Variants in GLP2R observed in about 807,000 individuals in gnomAD.
GLP2R encodes glucagon like peptide 2 receptor.
GLP2R carries 59 observed loss-of-function variants against 68.2 expected under a neutral mutation model. The ratio of observed to expected loss-of-function variants is 0.87; its 90% CI spans 0.70 to 1.07. The LOEUF (loss-of-function observed/expected upper bound fraction) is 1.07, where lower values mean the gene tolerates loss of function less well. GLP2R is among the 50% of genes least tolerant of loss of function. The pLI, the probability that GLP2R is intolerant of heterozygous loss-of-function variation, is 0.00. For missense variants in GLP2R, 548 were observed against 677.4 expected, an observed-to-expected ratio of 0.81 and a Z score of 2.12; for synonymous variants, 270 against 265.4, an observed-to-expected ratio of 1.02 and a Z score of -0.17.
At chr17:9,879,322 A>AAAT (rs1442168088) in intron 10 of GLP2R, among the ~76,000 whole-genome samples, 24 of 82,382 alleles carry the variant, frequency 2.9e-4, no homozygotes, top group South Asian at 1.8e-3. Context: ...AAATAAAATA[A>AAAT]AATAAAATAA....
At chr17:9,848,364 T>A (rs910188132) in intron 4 of GLP2R, among the ~76,000 whole-genome samples, 1 of 152,204 alleles carries the variant, frequency 6.6e-6, no homozygotes, top group Non-Finnish European at 1.5e-5. Context: ...GGCCTTTGCA[T>A]ACAGTAGGCA....
At chr17:9,833,066 TC>T (rs2066694945) in intron 1 of GLP2R, among the ~76,000 whole-genome samples, 1 of 151,880 alleles carries the variant, frequency 6.6e-6, no homozygotes, top group Admixed American at 6.6e-5. Flanking sequence ...ATCAAGACCA[TC>T]CTGCCCAACA....
intron 1 of GLP2R, among the ~76,000 whole-genome samples, chr17:9,830,914 A>C (rs1268852171): frequency 6.6e-6 from 1 of 152,246 alleles, no homozygotes; most frequent in African/African-American, 2.4e-5. Context: ...TGTGCAATGG[A>C]CAGCAGGCAC....
At chr17:9,845,604 C>T (rs1314632769) in intron 4 of GLP2R, among the ~76,000 whole-genome samples, 1 of 152,122 alleles carries the variant, frequency 6.6e-6, no homozygotes, top group Non-Finnish European at 1.5e-5. Context: ...TCCCTGGACC[C>T]TACAAACACT....
At chr17:9,838,046 A>G (rs1173150433) in intron 3 of GLP2R, among the ~76,000 whole-genome samples, 1 of 152,156 alleles carries the variant, frequency 6.6e-6, no homozygotes. Flanking sequence ...CTCTGATGAA[A>G]TCCAGTTGGA....
chr17:9,868,998 C>T lies in GLP2R; in HGVS notation c.1057-1749C>T, dbSNP rs576666824. On this transcript the variant is annotated intron_variant, in intron 9 of 12. Coordinates refer to ENST00000262441, the MANE Select transcript of GLP2R (RefSeq NM_004246.3). Reference sequence around the variant, plus strand: ...TACATTTACCTTGTATTTAAACTTTCTGTTCCTAAATATTCTTTGGCTAGG... The same window carrying T: ...TACATTTACCTTGTATTTAAACTTTTTGTTCCTAAATATTCTTTGGCTAGG... Among the ~76,000 whole-genome samples, 18 of 152,344 alleles carry T rather than the reference C, an allele frequency of 1.2e-4. No individual in the cohort carries two copies. In the East Asian group the frequency reaches 3.5e-3, roughly 29 times the overall value.
At chr17:9,888,776 T>C (rs2067265009) in intron 12 of GLP2R, among the ~76,000 whole-genome samples, 1 of 152,208 alleles carries the variant, frequency 6.6e-6, no homozygotes, top group Admixed American at 6.5e-5. Flanking sequence ...CTATTATTGC[T>C]TTTAGTTATT....
intron 11 of GLP2R, among the ~76,000 whole-genome samples, chr17:9,881,671 C>T (rs1181249627): frequency 2.2e-5 from 3 of 135,618 alleles, no homozygotes; most frequent in Non-Finnish European, 4.4e-5. Context: ...TGAGCCACCG[C>T]TCCCCTGCCA....
At chr17:9,878,313 A>G (rs984376214) in intron 10 of GLP2R, among the ~76,000 whole-genome samples, 5 of 152,208 alleles carry the variant, frequency 3.3e-5, no homozygotes, top group African/African-American at 1.2e-4. Flanking sequence ...TTCTAGAAAT[A>G]TTATTATTTA....
At chr17:9,826,523 C>T (rs956616161) in intron 1 of GLP2R, among the ~76,000 whole-genome samples, 35 of 152,030 alleles carry the variant, frequency 2.3e-4, no homozygotes, top group East Asian at 3.9e-4. Flanking sequence ...CAACCAGCCC[C>T]GCATCATATT....
intron 10 of GLP2R, among the ~76,000 whole-genome samples, chr17:9,873,556 C>CTGTTTTTTTTTTTTTTTTTTTTTT (rs764516620): frequency 3.8e-5 from 2 of 52,076 alleles, no homozygotes; most frequent in African/African-American, 8.6e-5. Flanking sequence ...TATGCATGGA[C>CTGTTTTTTTTTTTTTTTTTTTTTT]TTTTTTTTTT....
chr17:9,852,537 GA>G (rs1232084469), intron 4 of GLP2R, among the ~76,000 whole-genome samples: 1 of 151,664 alleles, frequency 6.6e-6, no homozygotes, highest in African/African-American at 2.4e-5. Context: ...AAGAAACTAG[GA>G]AAAAAACCTC....
intron 4 of GLP2R, among the ~76,000 whole-genome samples, chr17:9,854,172 C>T (rs1354003742): frequency 1.3e-5 from 2 of 152,216 alleles, no homozygotes; most frequent in African/African-American, 4.8e-5. Context: ...AGCCTGTTCT[C>T]ATTCCCAAGG....
intron 5 of GLP2R, among the ~76,000 whole-genome samples, chr17:9,855,624 C>T (rs2066927911): frequency 6.6e-6 from 1 of 152,246 alleles, no homozygotes; most frequent in African/African-American, 2.4e-5. Context: ...AAGCGCATTA[C>T]ATGCATTAAG....
In GLP2R at chr17:9,854,507, G is replaced by A. The variant is rs1466526035; in HGVS notation, c.517G>A (p.Ala173Thr). 6.9e-6 allele frequency: 11 copies of A among 1,604,338 alleles called. No homozygotes were observed. The highest frequency in any genetic ancestry group is 9.4e-6 in the Non-Finnish European group (11 of 1,170,978). Residue 173 changes from alanine to threonine, a missense_variant, in exon 5 of 13, where the codon GCC (alanine) becomes ACC (threonine). Ala to Thr is a moderately conservative substitution (Grantham distance 58, BLOSUM62 0). Transcript: ENST00000262441. Reference protein sequence around the residue: ...HSFKQNVDRYALLSTLQLMYT... With the variant: ...HSFKQNVDRYTLLSTLQLMYT... ...CCTCTGTGTTCAGGTGGATCGTTAT[G>A]CCTTGCTGTCAACCTTGCAGCTGAT...
Position 9,861,186 on chromosome 17 carries a change from C to A in GLP2R, c.973C>A (p.Leu325Met), listed in dbSNP as rs150259609. Residue 325 changes from leucine to methionine, a missense_variant, in exon 8 of 13, where the codon CTG becomes ATG. Transcript: ENST00000262441. ...ACCCTGGGGTTTCGCCCGTGCACACCTGGAGAACACAGGGTAGGTAATTCA... is the reference window on the plus strand; with the variant it reads ...ACCCTGGGGTTTCGCCCGTGCACACATGGAGAACACAGGGTAGGTAATTCA... ...VVPWGFARAH[L>M]ENTGCWTTNG... 1.9e-6 allele frequency: 3 copies of A among 1,611,180 alleles called. No individual in the cohort carries two copies. Among genetic ancestry groups the A allele is most frequent in the Non-Finnish European group, 2.5e-6 (3 of 1,177,472 alleles).
At chr17:9,888,328 GCACTTTGTTTAGCCT>G (rs1045836185) in intron 12 of GLP2R, among the ~76,000 whole-genome samples, 16 of 152,124 alleles carry the variant, frequency 1.1e-4, no homozygotes, top group Admixed American at 7.2e-4. Context: ...CTGGGTCACC[GCACTTTGTTTAGCCT>G]CACTTTCCTC....
intron 1 of GLP2R, among the ~76,000 whole-genome samples, chr17:9,828,591 T>A (rs1224855045): frequency 1.3e-5 from 2 of 152,182 alleles, no homozygotes; most frequent in South Asian, 2.1e-4. Context: ...GAGCCCCTTT[T>A]ACAGATGGGC....
intron 11 of GLP2R, among the ~76,000 whole-genome samples, chr17:9,885,269 A>C (rs1312038373): frequency 6.6e-6 from 1 of 151,310 alleles, no homozygotes; most frequent in Non-Finnish European, 1.5e-5. Flanking sequence ...GGCTCACCGC[A>C]ACCTCCACCT....
Sources: gnomAD v4.1 joint callset for allele counts (sites outside exome capture counted in the v4.1 genomes callset) on GRCh38, gnomAD v4.1.1 for gene constraint, MANE v1.5 for transcripts, NCBI Gene and HGNC (gene_info 2026-07-23, HGNC 2026-07-21) for gene names.